Variants in MAGI1 observed in about 807,000 individuals in gnomAD.
The protein encoded by MAGI1 is membrane-associated guanylate kinase, WW and PDZ domain-containing protein 1.
MAGI1 carries 58 observed loss-of-function variants against 139.9 expected under a neutral mutation model. That is an observed-to-expected ratio of 0.41 (90% confidence interval 0.34 to 0.52). MAGI1 has a LOEUF of 0.52. Among genes scored for constraint, MAGI1 ranks in the 20% least tolerant of loss-of-function variants. MAGI1 has a pLI of 0.12. For synonymous variants in MAGI1, 812 were observed against 737.9 expected, an observed-to-expected ratio of 1.10 and a Z score of -1.63; for missense variants, 1,874 against 1,901.6, an observed-to-expected ratio of 0.99 and a Z score of 0.27.
Position 65,361,035 on chromosome 3 carries a change from T to C in MAGI1, c.3634+164A>G, listed in dbSNP as rs111441982. 677 of 1,505,960 alleles carry C rather than the reference T, an allele frequency of 4.5e-4. 3 individuals are homozygous for C. In the African/African-American group the frequency reaches 8.5e-3, roughly 19 times the overall value. The allele number at this position is 1,505,960 out of a possible 1,614,324, so 93.3% of individuals were successfully genotyped here. ...CGTAAGCAAGCAAAAGGATGAAATG[T>C]GTAGAGATTTCAGAACAAGCGAGGC... On this transcript the variant is annotated intron_variant, in intron 22 of 22. Coordinates refer to ENST00000402939, the MANE Select transcript of MAGI1 (RefSeq NM_001033057.2).
chr3:65,471,782 A>C lies in MAGI1; in HGVS notation c.758-1298T>G, dbSNP rs537720042. Reference sequence around the variant, plus strand: ...ATAGGTACATGATCTAAGGCAAACAAATTTGAATGTCAGACATGGAAGATT... The same window carrying C: ...ATAGGTACATGATCTAAGGCAAACACATTTGAATGTCAGACATGGAAGATT... On this transcript the variant is annotated intron_variant, in intron 4 of 22. Transcript: ENST00000402939. 8.5e-5 allele frequency among the ~76,000 whole-genome samples: 8 copies of C among 93,748 alleles called. No homozygotes were observed. The East Asian group carries it at 1.6e-3, about 19-fold the overall frequency. The allele number at this position is 93,748 out of a possible 152,430, so 61.5% of individuals were successfully genotyped here.
At chr3:65,454,561 A>ATAATAAT (rs1389883565) in intron 5 of MAGI1, among the ~76,000 whole-genome samples, 1 of 108,010 alleles carries the variant, frequency 9.3e-6, no homozygotes, top group Non-Finnish European at 2.0e-5. Flanking sequence ...ATAATAAAAA[A>ATAATAAT]ATACTTGTTT....
chr3:65,919,437 C>T (rs1340223429), intron 1 of MAGI1, among the ~76,000 whole-genome samples: 2 of 151,856 alleles, frequency 1.3e-5, no homozygotes, highest in Admixed American at 1.3e-4. Flanking sequence ...GGCGCACGCT[C>T]CTGTGGTCCC....
chr3:65,407,580 G>A (rs1945456343), intron 12 of MAGI1, among the ~76,000 whole-genome samples: 1 of 152,068 alleles, frequency 6.6e-6, no homozygotes, highest in South Asian at 2.1e-4. Flanking sequence ...CAGTGATTGG[G>A]GGAAATAATA....
intron 4 of MAGI1, among the ~76,000 whole-genome samples, chr3:65,473,986 T>C (rs1950713612): frequency 6.6e-6 from 1 of 152,274 alleles, no homozygotes; most frequent in East Asian, 1.9e-4. Context: ...AAATCTTTTG[T>C]TGGGCATGGT....
In MAGI1 at chr3:65,953,851, G is replaced by T. The variant is rs565801769; in HGVS notation, c.313+84145C>A. Among the ~76,000 whole-genome samples the T allele has an allele frequency of 1.8e-4, 27 of 152,224 alleles. 1 individual carries two copies. The highest frequency in any genetic ancestry group is 1.2e-3 in the Admixed American group (19 of 15,292). ...TTATCTAGAAAGGCAATGTTCGTTA[G>T]GTAAAATTTAACTATGGCAAAAATC... On this transcript the variant is annotated intron_variant, in intron 1 of 22. Coordinates refer to ENST00000402939, the MANE Select transcript of MAGI1 (RefSeq NM_001033057.2).
rs533241393 is a variant in MAGI1, at chr3:66,037,818, G to A, written c.313+178C>T. ...CAGCCCCCTCTTCGAAACGCAGGTGGGCAAACAACCCTCAACCTCGCAACA... is the reference window on the plus strand; with the variant it reads ...CAGCCCCCTCTTCGAAACGCAGGTGAGCAAACAACCCTCAACCTCGCAACA... On this transcript the variant is annotated intron_variant, in intron 1 of 22. Transcript: ENST00000402939. Among the ~76,000 whole-genome samples the A allele has an allele frequency of 2.5e-4, 38 of 152,282 alleles. 1 individual carries two copies. The highest frequency in any genetic ancestry group is 8.4e-4 in the African/African-American group (35 of 41,568).
intron 1 of MAGI1, among the ~76,000 whole-genome samples, chr3:65,894,141 C>T (rs150754060): frequency 6.6e-6 from 1 of 152,272 alleles, no homozygotes; most frequent in African/African-American, 2.4e-5. Context: ...CATCACTACC[C>T]GCCTCCCTAT....
intron 1 of MAGI1, among the ~76,000 whole-genome samples, chr3:65,899,344 A>G (rs1224248377): frequency 6.6e-6 from 1 of 152,218 alleles, no homozygotes; most frequent in African/African-American, 2.4e-5. Flanking sequence ...GAAGTTCATA[A>G]CTACTCAGGT....
intron 1 of MAGI1, among the ~76,000 whole-genome samples, chr3:65,831,565 C>G (rs1297409910): frequency 6.6e-5 from 10 of 152,176 alleles, no homozygotes; most frequent in Admixed American, 6.5e-4. Flanking sequence ...AGACTGGCCT[C>G]TAACTCTTGA....
At chr3:65,419,557 T>C (rs1323056743) in intron 12 of MAGI1, among the ~76,000 whole-genome samples, 1 of 152,180 alleles carries the variant, frequency 6.6e-6, no homozygotes, top group Non-Finnish European at 1.5e-5. Context: ...AAACCCCAGA[T>C]TCCAGACAAC....
intron 1 of MAGI1, chr3:65,843,811 T>A (rs970672867): frequency 5.5e-6 from 1 of 181,622 alleles, no homozygotes; most frequent in Non-Finnish European, 1.1e-5. Flanking sequence ...TCAACTCCAG[T>A]CTCAGCAAAG....
At chr3:65,440,147 T>G in intron 8 of MAGI1, 135 bp from the exon 9 acceptor site, 1 of 971,642 alleles carries the variant, frequency 1.0e-6, no homozygotes, top group Non-Finnish European at 1.6e-6. Context: ...GTTAAAATGC[T>G]CAGTTAGAAA....
rs147410564 is a variant in MAGI1 at position 65,473,477 on chromosome 3, T to C, written c.758-2993A>G. 4.8e-3 allele frequency among the ~76,000 whole-genome samples: 728 copies of C among 152,152 alleles called. 4 individuals are homozygous for C. Among genetic ancestry groups the C allele is most frequent in the African/African-American group, 0.017 (698 of 41,484 alleles). On this transcript the variant is annotated intron_variant, in intron 4 of 22. Coordinates refer to ENST00000402939, the MANE Select transcript of MAGI1 (RefSeq NM_001033057.2). ...CAAACTCGGTGACAGCCTTTTCAATTAGGAGGCAGTAAACTGTTAGGATGA... is the reference window on the plus strand; with the variant it reads ...CAAACTCGGTGACAGCCTTTTCAATCAGGAGGCAGTAAACTGTTAGGATGA...
intron 2 of MAGI1, among the ~76,000 whole-genome samples, chr3:65,508,890 C>G (rs893094935): frequency 2.6e-5 from 4 of 152,226 alleles, no homozygotes; most frequent in Non-Finnish European, 4.4e-5. Flanking sequence ...CTGTCAACAG[C>G]AACTGCTGAT....
chr3:65,846,077 C>T (rs2058983303), intron 1 of MAGI1, among the ~76,000 whole-genome samples: 1 of 152,152 alleles, frequency 6.6e-6, no homozygotes. Flanking sequence ...CTTCATTTGC[C>T]AAGGTCAGAA....
intron 12 of MAGI1, among the ~76,000 whole-genome samples, chr3:65,429,175 C>A (rs1329809998): frequency 6.6e-6 from 1 of 151,994 alleles, no homozygotes; most frequent in Non-Finnish European, 1.5e-5. Context: ...GTTGCCCAGT[C>A]TGGACTCAAA....
At chr3:65,752,472 A>G (rs1488323617) in intron 1 of MAGI1, among the ~76,000 whole-genome samples, 1 of 152,244 alleles carries the variant, frequency 6.6e-6, no homozygotes, top group African/African-American at 2.4e-5. Flanking sequence ...AATTAATGAC[A>G]TAATTAATCC....
At chr3:65,605,073 G>A (rs1463444628) in intron 2 of MAGI1, among the ~76,000 whole-genome samples, 6 of 152,138 alleles carry the variant, frequency 3.9e-5, no homozygotes, top group Non-Finnish European at 5.9e-5. Flanking sequence ...ACCATTCTAC[G>A]ACAGCTCTAA....
Sources: allele counts gnomAD v4.1 joint callset (sites outside exome capture counted in the v4.1 genomes callset), GRCh38; gene constraint gnomAD v4.1.1; transcripts MANE v1.5; gene names NCBI Gene and HGNC (gene_info 2026-07-23, HGNC 2026-07-21).